Variants in DTX1 observed in about 807,000 individuals in gnomAD.
DTX1 encodes E3 ubiquitin-protein ligase DTX1.
In DTX1, 26 loss-of-function variants were observed where a neutral mutation model predicts 57.8. The observed-to-expected ratio is 0.45, with a 90% CI of 0.33 to 0.62. DTX1 has a LOEUF of 0.62. Among genes scored for constraint, DTX1 ranks in the 20% least tolerant of loss-of-function variants. DTX1 has a pLI of 0.02. For missense variants in DTX1, 704 were observed against 895.3 expected (o/e 0.79, Z 2.73); for synonymous variants, 398 against 394.1 (o/e 1.01, Z -0.12).
intron 6 of DTX1, 65 bp downstream of exon 6, chr12:113,094,164 T>C: frequency 6.9e-7 from 1 of 1,452,090 alleles, no homozygotes; most frequent in Non-Finnish European, 9.4e-7. Flanking sequence ...CCCTCACCCC[T>C]CCTCCTGGGT....
chr12:113,098,025 C>G lies in DTX1; in HGVS notation c.*1086C>G, dbSNP rs1301563029. ...TGGAGAAATAAATGGTCTTTCTCCT[C>G]CTCGCCTGGTCTTTTCCTGCCAAGA... is the stretch of plus-strand genomic sequence containing the variant. On this transcript the variant is annotated 3_prime_UTR_variant, in exon 10 of 10. Transcript: ENST00000548759. The G allele has an allele frequency of 6.5e-6, 1 of 152,764 alleles. No individual in the cohort carries two copies. Among genetic ancestry groups the G allele is most frequent in the African/African-American group, 2.4e-5 (1 of 41,462 alleles). 9.5% of individuals were successfully genotyped at this position (152,764 alleles called of 1,614,324 possible).
At chr12:113,069,321 C>T (rs2044724601) in intron 2 of DTX1, among the ~76,000 whole-genome samples, 1 of 152,072 alleles carries the variant, frequency 6.6e-6, no homozygotes, top group South Asian at 2.1e-4. Flanking sequence ...CAGAAAGCCC[C>T]CCATACAGCC....
intron 2 of DTX1, among the ~76,000 whole-genome samples, chr12:113,073,162 A>G (rs1463014254): frequency 6.6e-6 from 1 of 152,120 alleles, no homozygotes; most frequent in Admixed American, 6.5e-5. Context: ...TTCAGGTAAT[A>G]CACTGCCTTC....
chr12:113,058,919 A>G (rs2136421276), intron 2 of DTX1, among the ~76,000 whole-genome samples: 1 of 152,336 alleles, frequency 6.6e-6, no homozygotes, highest in Admixed American at 6.5e-5. Context: ...AGTCTCCCAG[A>G]AGCTGAGTGA....
intron 3 of DTX1, among the ~76,000 whole-genome samples, chr12:113,085,515 C>A (rs1440604821): frequency 6.6e-6 from 1 of 152,160 alleles, no homozygotes; most frequent in Non-Finnish European, 1.5e-5. Flanking sequence ...TGAGTGGTTC[C>A]TTCTTTTGCC....
At position 113,093,270 on chromosome 12, in the gene DTX1, G is replaced by A. The variant is rs1286524510; in HGVS notation, c.1003+47G>A. 3.9e-6 allele frequency: 6 copies of A among 1,548,026 alleles called. No individual in the cohort carries two copies. The highest frequency in any genetic ancestry group is 5.2e-6 in the Non-Finnish European group (6 of 1,145,024). On this transcript the variant is annotated intron_variant, in intron 4 of 9. Transcript: ENST00000548759. The surrounding 1 kb of genome is among the most constrained non-coding windows in gnomAD (Gnocchi z 4.2). Reference sequence around the variant, plus strand: ...GAAAGAAGGGCGGGGCCCACTAGGAGGCAGCTCCGCCTGTCACCCGGTGAC... The same window carrying A: ...GAAAGAAGGGCGGGGCCCACTAGGAAGCAGCTCCGCCTGTCACCCGGTGAC...
chr12:113,092,684 A>C (rs1249602127), intron 3 of DTX1, among the ~76,000 whole-genome samples: 5 of 152,168 alleles, frequency 3.3e-5, no homozygotes, highest in African/African-American at 9.7e-5. Flanking sequence ...ATATGCTCAG[A>C]TATGTTGTGA....
At chr12:113,064,765 C>T (rs1406592031) in intron 2 of DTX1, among the ~76,000 whole-genome samples, 2 of 152,204 alleles carry the variant, frequency 1.3e-5, no homozygotes, top group African/African-American at 4.8e-5. Context: ...TTGGAGGATA[C>T]TACTTTGCAC....
chr12:113,078,139 G>C lies in DTX1; in HGVS notation c.941+34G>C, dbSNP rs1452427740. The C allele has an allele frequency of 3.8e-6, 5 of 1,319,618 alleles. No homozygotes were observed. In the East Asian group the frequency reaches 1.6e-4, roughly 43 times the overall value. The allele number at this position is 1,319,618 out of a possible 1,614,324, so 81.7% of individuals were successfully genotyped here. A position where few individuals can be genotyped will look rare whatever the true frequency, so the allele number is the denominator to read the frequency against. On this transcript the variant is annotated intron_variant, in intron 3 of 9. Coordinates refer to ENST00000548759, the MANE Select transcript of DTX1 (RefSeq NM_004416.3). ...GGGCCCAGGGGGAGGGGGCCTCTGC[G>C]TCGTCCGCAGGCAAGGACGAAGCCC...
intron 3 of DTX1, among the ~76,000 whole-genome samples, chr12:113,088,447 C>T (rs1950221017): frequency 2.0e-5 from 3 of 152,150 alleles, no homozygotes; most frequent in Admixed American, 6.5e-5. Flanking sequence ...CGGCGTGGAC[C>T]AGATCATACA....
In DTX1 at chr12:113,096,843, C is replaced by A; in HGVS notation, c.1767C>A (p.Asn589Lys). The stretch of plus-strand genomic sequence containing the variant: ...ACCACAAGACCGAGTTTGGATCCAA[C>A]CTCACGGGCCACGGCTACCCGGACG... ...EIHHKTEFGS[N>K]LTGHGYPDAS... Residue 589 changes from asparagine (N) to lysine (K), a missense_variant, in exon 10 of 10, where the codon AAC becomes AAA. By Grantham distance (94) the Asn-to-Lys change is moderately conservative (BLOSUM62 0). Transcript: ENST00000548759. 6.2e-7 allele frequency: 1 copy of A among 1,613,952 alleles called. No individual in the cohort carries two copies. The highest frequency in any genetic ancestry group is 8.5e-7 in the Non-Finnish European group (1 of 1,180,034).
intron 1 of DTX1, 74 bp downstream of exon 1, chr12:113,057,018 G>A (rs547876206): frequency 6.6e-6 from 1 of 152,310 alleles, no homozygotes; most frequent in Admixed American, 6.5e-5. Flanking sequence ...GGGACGTCTG[G>A]GCTGGGGAAG....
At chr12:113,060,932 G>A (rs1052294573) in intron 2 of DTX1, among the ~76,000 whole-genome samples, 14 of 152,136 alleles carry the variant, frequency 9.2e-5, no homozygotes, top group Non-Finnish European at 1.3e-4. Flanking sequence ...AGGGTCCTTA[G>A]AAGCAGGGAC....
In DTX1 at chr12:113,093,483, C is replaced by A; in HGVS notation, c.1004-56C>A. 7.6e-7 allele frequency: 1 copy of A among 1,322,204 alleles called. No individual in the cohort carries two copies. Among genetic ancestry groups the A allele is most frequent in the South Asian group, 1.4e-5 (1 of 69,754 alleles). 81.9% of individuals were successfully genotyped at this position (1,322,204 alleles called of 1,614,324 possible). On this transcript the variant is annotated intron_variant, in intron 4 of 9. Transcript: ENST00000548759. This position sits in a 1 kb window ranked among gnomAD's most constrained non-coding sequence, Gnocchi z 4.2. ...CCCCGGGATTCCCAGGGCCAGTGGTCGGGGGTTTGGGCGGGGATGGCGCCC... is the reference window on the plus strand; with the variant it reads ...CCCCGGGATTCCCAGGGCCAGTGGTAGGGGGTTTGGGCGGGGATGGCGCCC...
intron 2 of DTX1, among the ~76,000 whole-genome samples, chr12:113,074,060 G>T (rs1043997567): frequency 3.3e-5 from 5 of 152,028 alleles, no homozygotes; most frequent in Non-Finnish European, 5.9e-5. Context: ...GTGAAATCCC[G>T]TCTCTACGAA....
At chr12:113,074,031 G>C (rs544575323) in intron 2 of DTX1, among the ~76,000 whole-genome samples, 1 of 152,298 alleles carries the variant, frequency 6.6e-6, no homozygotes, top group Non-Finnish European at 1.5e-5. Context: ...AGGAGTTCGA[G>C]ACCAGCCTGG....
chr12:113,057,416 T>A (rs985520312), intron 1 of DTX1, 33 bp from the exon 2 acceptor site: 1 of 152,022 alleles, frequency 6.6e-6, no homozygotes, highest in East Asian at 2.0e-4. Flanking sequence ...GCTCTCCTCT[T>A]AAAGGGCCCT....
chr12:113,078,288 C>G lies in DTX1; in HGVS notation c.941+183C>G, dbSNP rs554240540. ...ATCAACTAAGCACCTTTACATGTTC[C>G]CACACATCTATCTCCATGCATAAGG... On this transcript the variant is annotated intron_variant, in intron 3 of 9. Coordinates refer to ENST00000548759, the MANE Select transcript of DTX1 (RefSeq NM_004416.3). 4.5e-3 allele frequency among the ~76,000 whole-genome samples: 680 copies of G among 152,220 alleles called. 4 individuals carry two copies. The highest frequency in any genetic ancestry group is 8.0e-3 in the Non-Finnish European group (547 of 67,990).
intron 1 of DTX1, among the ~76,000 whole-genome samples, 170 bp downstream of exon 1, chr12:113,057,114 G>A (rs2136419512): frequency 6.6e-6 from 1 of 152,112 alleles, no homozygotes; most frequent in South Asian, 2.1e-4. Context: ...GAGGGGCCCT[G>A]GGCCGCGCCT....
Sources: allele counts gnomAD v4.1 joint callset (sites outside exome capture counted in the v4.1 genomes callset), GRCh38; gene constraint gnomAD v4.1.1; non-coding constraint Gnocchi (gnomAD v3.1); transcripts MANE v1.5; gene names NCBI Gene and HGNC (gene_info 2026-07-23, HGNC 2026-07-21).